The following DPP10 variants were observed in gnomAD, a reference collection of about 807,000 sequenced individuals.
The protein encoded by DPP10 is dipeptidyl peptidase like 10.
Under a neutral mutation model 120.9 loss-of-function variants are expected in DPP10, and 33 were observed. The ratio of observed to expected loss-of-function variants is 0.27; its 90% CI spans 0.21 to 0.37. DPP10 has a LOEUF of 0.37. Ranked by LOEUF, DPP10 falls within the 10% of genes least tolerant of loss-of-function variation. The pLI is 1.00. For missense variants in DPP10, 816 were observed against 942.8 expected (o/e 0.87, Z 1.76); for synonymous variants, 337 against 326.1 (o/e 1.03, Z -0.36).
At chr2:114,829,036 C>G (rs1280666701) in intron 1 of DPP10, among the ~76,000 whole-genome samples, 1 of 152,100 alleles carries the variant, frequency 6.6e-6, no homozygotes, top group Admixed American at 6.5e-5. Flanking sequence ...GGCCTGTAAT[C>G]CCAGCATTTT....
At chr2:115,715,692 C>T (rs894993369) in intron 7 of DPP10, among the ~76,000 whole-genome samples, 4 of 152,190 alleles carry the variant, frequency 2.6e-5, no homozygotes, top group African/African-American at 9.7e-5. Flanking sequence ...ATAATCATCA[C>T]GTCTCCGTGC....
intron 21 of DPP10, among the ~76,000 whole-genome samples, chr2:115,823,696 T>C (rs1372633425): frequency 6.6e-6 from 1 of 152,156 alleles, no homozygotes; most frequent in South Asian, 2.1e-4. Context: ...TATTTATTTG[T>C]TTGGTTGGTT....
At chr2:115,513,127 T>A (rs1458067317) in intron 4 of DPP10, among the ~76,000 whole-genome samples, 2 of 152,074 alleles carry the variant, frequency 1.3e-5, no homozygotes, top group African/African-American at 4.8e-5. Context: ...TATTATTGCA[T>A]AATTTTTATC....
At chr2:115,135,492 G>C (rs1001625120) in intron 1 of DPP10, among the ~76,000 whole-genome samples, 2 of 152,024 alleles carry the variant, frequency 1.3e-5, no homozygotes, top group Non-Finnish European at 2.9e-5. Flanking sequence ...AACAGAGAAG[G>C]CCTCAGCATT....
intron 1 of DPP10, among the ~76,000 whole-genome samples, chr2:115,241,076 C>T (rs1235304518): frequency 6.6e-6 from 1 of 152,120 alleles, no homozygotes; most frequent in Non-Finnish European, 1.5e-5. Flanking sequence ...CGAGACCAGT[C>T]TGACCAACAT....
intron 19 of DPP10, among the ~76,000 whole-genome samples, chr2:115,812,646 T>C (rs1686770454): frequency 6.6e-6 from 1 of 151,974 alleles, no homozygotes; most frequent in African/African-American, 2.4e-5. Context: ...AAAGAGAAAA[T>C]ATCTAGGTGG....
At chr2:114,864,072 C>A (rs1690031186) in intron 1 of DPP10, among the ~76,000 whole-genome samples, 1 of 152,124 alleles carries the variant, frequency 6.6e-6, no homozygotes, top group South Asian at 2.1e-4. Context: ...TGAAGAAATG[C>A]AATGAAAATA....
chr2:115,815,789 A>G (rs2150039906), intron 21 of DPP10, 60 bp downstream of exon 21: 4 of 1,496,444 alleles, frequency 2.7e-6, no homozygotes, highest in South Asian at 2.5e-5. Flanking sequence ...GTAATATCCT[A>G]TTACACATTC....
intron 5 of DPP10, among the ~76,000 whole-genome samples, chr2:115,653,298 A>T (rs1312082697): frequency 6.6e-6 from 1 of 152,042 alleles, no homozygotes; most frequent in African/African-American, 2.4e-5. Flanking sequence ...ATACAAGTTA[A>T]AAAAGAATAA....
In DPP10 at chr2:114,642,611, A is replaced by G. The variant is rs964359665; in HGVS notation, c.60+199773A>G. Among the ~76,000 whole-genome samples, 6 of 151,854 alleles carry G rather than the reference A, an allele frequency of 4.0e-5. 1 individual carries two copies. The highest frequency in any genetic ancestry group is 1.5e-4 in the African/African-American group (6 of 41,142). The stretch of plus-strand genomic sequence containing the variant: ...CATAGGCATGTCAGCAGCTATGGAT[A>G]CCACAGTAAAATAAATGACTATCGA... On this transcript the variant is annotated intron_variant, in intron 1 of 25. Coordinates refer to ENST00000410059, the MANE Select transcript of DPP10 (RefSeq NM_020868.6).
At chr2:115,582,066 T>A (rs963171989) in intron 5 of DPP10, among the ~76,000 whole-genome samples, 1 of 152,140 alleles carries the variant, frequency 6.6e-6, no homozygotes, top group Non-Finnish European at 1.5e-5. Flanking sequence ...GTAAATAAAG[T>A]ACACTTGGAA....
chr2:115,027,815 C>T (rs79891565), intron 1 of DPP10, among the ~76,000 whole-genome samples: 111 of 151,850 alleles, frequency 7.3e-4, no homozygotes, highest in African/African-American at 2.1e-3. Context: ...TTGAGGTTTC[C>T]TATTCCTTCA....
chr2:115,168,511 A>T (rs1309989982), intron 1 of DPP10, among the ~76,000 whole-genome samples: 1 of 152,176 alleles, frequency 6.6e-6, no homozygotes, highest in Non-Finnish European at 1.5e-5. Context: ...TTTAGTATTG[A>T]TTATTCCCAG....
chr2:115,357,547 GTGT>G (rs561656420), intron 3 of DPP10, among the ~76,000 whole-genome samples: 33 of 152,318 alleles, frequency 2.2e-4, no homozygotes, highest in African/African-American at 7.0e-4. Flanking sequence ...TCATGGGCTG[GTGT>G]TGTGTGTGCA....
chr2:114,873,393 C>G (rs1690861755), intron 1 of DPP10, among the ~76,000 whole-genome samples: 1 of 152,120 alleles, frequency 6.6e-6, no homozygotes, highest in Non-Finnish European at 1.5e-5. Flanking sequence ...CAACAGGTAA[C>G]AATGCTTGTT....
In DPP10 at chr2:114,772,283, G is replaced by A. The variant is rs572659833; in HGVS notation, c.60+329445G>A. 1.7e-3 allele frequency among the ~76,000 whole-genome samples: 261 copies of A among 151,724 alleles called. 1 individual carries two copies. Among genetic ancestry groups the A allele is most frequent in the Admixed American group, 1.8e-3 (27 of 15,224 alleles). ...AGCTATTCTCCTGCCTCAGCCCACC[G>A]AGTAGCTGGGACTACAGGTATGCAC... On this transcript the variant is annotated intron_variant, in intron 1 of 25. Coordinates refer to ENST00000410059, the MANE Select transcript of DPP10 (RefSeq NM_020868.6).
intron 1 of DPP10, among the ~76,000 whole-genome samples, chr2:115,303,572 A>G (rs1298590174): frequency 1.3e-5 from 2 of 151,984 alleles, no homozygotes; most frequent in African/African-American, 2.4e-5. Context: ...GAATGTGCAT[A>G]GTGAATGTTT....
intron 3 of DPP10, among the ~76,000 whole-genome samples, chr2:115,394,274 A>G (rs542471842): frequency 6.6e-6 from 1 of 152,264 alleles, no homozygotes; most frequent in South Asian, 2.1e-4. Flanking sequence ...AGACATTTTA[A>G]ATAAGAATGC....
At chr2:115,801,194 A>G (rs865814458) in intron 19 of DPP10, among the ~76,000 whole-genome samples, 2,572 of 142,748 alleles carry the variant, frequency 0.018, 75 homozygotes, top group African/African-American at 0.061. Context: ...TCTCTTTGAA[A>G]CAATTGTGAA....
Sources: gnomAD v4.1 joint callset for allele counts (sites outside exome capture counted in the v4.1 genomes callset) on GRCh38, gnomAD v4.1.1 for gene constraint, MANE v1.5 for transcripts, NCBI Gene and HGNC (gene_info 2026-07-23, HGNC 2026-07-21) for gene names.